The following ANO10 variants were observed in gnomAD, a reference collection of about 807,000 sequenced individuals.
ANO10 encodes anoctamin-10.
In ANO10, 77 loss-of-function variants were observed where a neutral mutation model predicts 74.7. That is an observed-to-expected ratio of 1.03 (90% CI 0.86 to 1.25). The LOEUF is 1.25. Among genes scored for constraint, ANO10 ranks in the 50% most tolerant of loss-of-function variants. ANO10 has a pLI of 0.00. For synonymous variants in ANO10, 279 were observed against 284.9 expected (o/e 0.98, Z 0.21); for missense variants, 721 against 778.1 (o/e 0.93, Z 0.87).
intron 1 of ANO10, among the ~76,000 whole-genome samples, chr3:43,609,246 T>C (rs2082701120): frequency 6.6e-6 from 1 of 152,232 alleles, no homozygotes; most frequent in African/African-American, 2.4e-5. Context: ...CCAAATTCTG[T>C]ATGTTTTTTC....
chr3:43,370,212 G>T (rs989210641), intron 12 of ANO10, among the ~76,000 whole-genome samples: 21 of 152,220 alleles, frequency 1.4e-4, no homozygotes, highest in Non-Finnish European at 2.9e-4. Context: ...CAGGATCACA[G>T]AATTTATGAT....
At chr3:43,648,673 C>CTTT (rs57098436) in intron 1 of ANO10, among the ~76,000 whole-genome samples, 3,209 of 111,210 alleles carry the variant, frequency 0.029, 215 homozygotes, top group African/African-American at 0.11. Flanking sequence ...TTTTAGCCCG[C>CTTT]TTTTTTTTTT....
intron 12 of ANO10, among the ~76,000 whole-genome samples, chr3:43,397,916 G>A (rs527933087): frequency 4.6e-5 from 7 of 152,280 alleles, no homozygotes; most frequent in South Asian, 4.1e-4. Context: ...ATTGATTCAC[G>A]TATTTTGTCT....
intron 11 of ANO10, among the ~76,000 whole-genome samples, chr3:43,542,611 A>G (rs778749733): frequency 2.0e-5 from 3 of 152,206 alleles, no homozygotes; most frequent in Non-Finnish European, 2.9e-5. Flanking sequence ...TACACTACCA[A>G]TGTCTCCATT....
intron 11 of ANO10, among the ~76,000 whole-genome samples, chr3:43,435,044 A>G (rs1338769653): frequency 6.6e-6 from 1 of 152,150 alleles, no homozygotes; most frequent in East Asian, 1.9e-4. Context: ...TGGGGGAAAA[A>G]CTTATATAAA....
At chr3:43,393,055 T>C (rs1170736948) in intron 12 of ANO10, among the ~76,000 whole-genome samples, 1 of 152,238 alleles carries the variant, frequency 6.6e-6, no homozygotes, top group Non-Finnish European at 1.5e-5. Flanking sequence ...AGGCTCTATG[T>C]GCTCTCCCTG....
Position 43,470,626 on chromosome 3 carries a change from T to TTATTTATG in ANO10, c.1798-37900_1798-37899insCATAAATA, listed in dbSNP as rs1445757676. 2.9e-5 allele frequency among the ~76,000 whole-genome samples: 4 copies of TTATTTATG among 135,938 alleles called. 1 individual carries two copies. The highest frequency in any genetic ancestry group is 4.5e-4 in the South Asian group (2 of 4,426). The allele number at this position is 135,938 out of a possible 152,430, so 89.2% of individuals were successfully genotyped here. A position where few individuals can be genotyped will look rare whatever the true frequency, so the allele number is the denominator to read the frequency against. On this transcript the variant is annotated intron_variant, in intron 11 of 12. Coordinates refer to ENST00000292246, the MANE Select transcript of ANO10 (RefSeq NM_018075.5). ...TTTATTTATTTATTTATTTATTTAT[T>TTATTTATG]TATGTATTTATTTATTTTGAGGCAG... is the stretch of plus-strand genomic sequence containing the variant.
At chr3:43,443,947 G>T (rs1252887084) in intron 11 of ANO10, among the ~76,000 whole-genome samples, 1 of 152,006 alleles carries the variant, frequency 6.6e-6, no homozygotes, top group Non-Finnish European at 1.5e-5. Flanking sequence ...CTCCCAAAGT[G>T]CTGGGATTAC....
chr3:43,385,353 G>A (rs2092085388), intron 12 of ANO10, among the ~76,000 whole-genome samples: 1 of 152,206 alleles, frequency 6.6e-6, no homozygotes, highest in Admixed American at 6.5e-5. Flanking sequence ...ACAGTGTGGA[G>A]ATTCCTTAAA....
intron 1 of ANO10, among the ~76,000 whole-genome samples, chr3:43,689,926 G>A (rs2084330766): frequency 6.6e-6 from 1 of 152,232 alleles, no homozygotes; most frequent in Admixed American, 6.5e-5. Context: ...AACATAAATG[G>A]ATGAGTAGTA....
At chr3:43,685,604 A>G (rs549054282) in intron 1 of ANO10, among the ~76,000 whole-genome samples, 2 of 152,364 alleles carry the variant, frequency 1.3e-5, no homozygotes, top group South Asian at 4.1e-4. Flanking sequence ...CAGATCTCCC[A>G]AACTGCTTTC....
chr3:43,382,016 C>T (rs2091973106), intron 12 of ANO10, among the ~76,000 whole-genome samples: 2 of 152,186 alleles, frequency 1.3e-5, no homozygotes, highest in African/African-American at 4.8e-5. Flanking sequence ...ATTATTTGAA[C>T]TGAATAATAG....
At chr3:43,474,528 C>A (rs1389669518) in intron 11 of ANO10, among the ~76,000 whole-genome samples, 1 of 152,124 alleles carries the variant, frequency 6.6e-6, no homozygotes, top group Admixed American at 6.5e-5. Context: ...TATTCATTAA[C>A]TTTGGTTGTC....
chr3:43,373,205 T>C (rs2091680217), intron 12 of ANO10, among the ~76,000 whole-genome samples: 1 of 151,792 alleles, frequency 6.6e-6, no homozygotes, highest in South Asian at 2.1e-4. Context: ...AAGCTCAAGC[T>C]GGGTGAGGGT....
At chr3:43,614,771 C>CTATA (rs61084802) in intron 1 of ANO10, among the ~76,000 whole-genome samples, 1,124 of 52,650 alleles carry the variant, frequency 0.021, 65 homozygotes, top group African/African-American at 0.027. Flanking sequence ...GAAAACTAAA[C>CTATA]TATATATATA....
At chr3:43,421,827 G>A (rs1298670751) in intron 12 of ANO10, among the ~76,000 whole-genome samples, 1 of 129,744 alleles carries the variant, frequency 7.7e-6, no homozygotes, top group African/African-American at 2.9e-5. Flanking sequence ...GACGGAGTAA[G>A]ACCATGTCTC....
At chr3:43,437,302 G>A (rs2093083604) in intron 11 of ANO10, among the ~76,000 whole-genome samples, 1 of 152,198 alleles carries the variant, frequency 6.6e-6, no homozygotes, top group Non-Finnish European at 1.5e-5. Flanking sequence ...GAGCCTCAAA[G>A]AAGGCCCAAT....
chr3:43,537,592 A>G (rs2078768832), intron 11 of ANO10, among the ~76,000 whole-genome samples: 1 of 148,842 alleles, frequency 6.7e-6, no homozygotes, highest in East Asian at 2.0e-4. Flanking sequence ...TCAGGCTCAG[A>G]GCAGGCATAC....
At chr3:43,520,834 G>A (rs1475897735) in intron 11 of ANO10, among the ~76,000 whole-genome samples, 1 of 152,078 alleles carries the variant, frequency 6.6e-6, no homozygotes, top group African/African-American at 2.4e-5. Flanking sequence ...TTAAAATAGG[G>A]ATTGTGTTGG....
Sources: allele counts gnomAD v4.1 joint callset (sites outside exome capture counted in the v4.1 genomes callset), GRCh38; gene constraint gnomAD v4.1.1; transcripts MANE v1.5; gene names NCBI Gene and HGNC (gene_info 2026-07-23, HGNC 2026-07-21).